Variants in BMP6 observed in about 807,000 individuals in gnomAD.
BMP6 encodes the protein VG-1-R.
Under a neutral mutation model 54.1 loss-of-function variants are expected in BMP6, and 17 were observed. That is an observed-to-expected ratio of 0.31 (90% CI 0.22 to 0.47). The LOEUF (loss-of-function observed/expected upper bound fraction) is 0.47. BMP6 is among the 20% of genes least tolerant of loss of function. The pLI, the probability that BMP6 is intolerant of heterozygous loss-of-function variation, is 1.00. For missense variants in BMP6, 720 were observed against 690.4 expected, an observed-to-expected ratio of 1.04 and a Z score of -0.48; for synonymous variants, 328 against 291.2, an observed-to-expected ratio of 1.13 and a Z score of -1.28.
chr6:7,861,657 C>A (rs1243786355), intron 3 of BMP6, 58 bp downstream of exon 3: 4 of 1,598,862 alleles, frequency 2.5e-6, no homozygotes, highest in Admixed American at 1.7e-5. Flanking sequence ...CACACATTTC[C>A]CTTACAGCAG....
chr6:7,765,403 T>G (rs765935934), intron 1 of BMP6, among the ~76,000 whole-genome samples: 3 of 152,220 alleles, frequency 2.0e-5, no homozygotes, highest in Non-Finnish European at 4.4e-5. Flanking sequence ...GAACAAAAGA[T>G]TCCCCTCAAA....
intron 1 of BMP6, among the ~76,000 whole-genome samples, chr6:7,833,370 T>G (rs1482514088): frequency 6.6e-6 from 1 of 151,814 alleles, no homozygotes; most frequent in African/African-American, 2.4e-5. Context: ...GCAACAAGAG[T>G]TGATGATTAA....
chr6:7,851,110 C>G (rs1243865147), intron 2 of BMP6, among the ~76,000 whole-genome samples: 1 of 152,060 alleles, frequency 6.6e-6, no homozygotes, highest in Non-Finnish European at 1.5e-5. Context: ...CTTCACATTC[C>G]CATGTAAATT....
intron 1 of BMP6, among the ~76,000 whole-genome samples, chr6:7,817,665 T>C (rs1758551697): frequency 6.6e-6 from 1 of 151,860 alleles, no homozygotes; most frequent in East Asian, 1.9e-4. Flanking sequence ...ATGGCACATG[T>C]ATACATATGT....
At chr6:7,746,771 G>A (rs1352374281) in intron 1 of BMP6, among the ~76,000 whole-genome samples, 2 of 152,178 alleles carry the variant, frequency 1.3e-5, no homozygotes, top group East Asian at 1.9e-4. Context: ...GTCATCTGCC[G>A]TCACGGTGCA....
intron 1 of BMP6, among the ~76,000 whole-genome samples, chr6:7,813,718 A>G (rs905644715): frequency 2.0e-5 from 3 of 150,610 alleles, no homozygotes; most frequent in African/African-American, 7.3e-5. Context: ...TTCTATAGAT[A>G]CTCCATAGCA....
intron 1 of BMP6, among the ~76,000 whole-genome samples, chr6:7,838,941 CAAA>C (rs778664842): frequency 1.7e-4 from 10 of 59,156 alleles, no homozygotes; most frequent in East Asian, 5.9e-4. Flanking sequence ...GACTCTGTCT[CAAA>C]AAAAAAAAAA....
intron 1 of BMP6, among the ~76,000 whole-genome samples, chr6:7,788,716 T>C (rs910232898): frequency 1.3e-5 from 2 of 152,172 alleles, no homozygotes; most frequent in Non-Finnish European, 2.9e-5. Flanking sequence ...GGAGTGACTT[T>C]GTTTTTAAAA....
intron 1 of BMP6, among the ~76,000 whole-genome samples, chr6:7,773,776 T>G (rs1757823103): frequency 6.6e-6 from 1 of 152,226 alleles, no homozygotes; most frequent in Non-Finnish European, 1.5e-5. Context: ...ACTAGATTGC[T>G]TGGGATTTCC....
At chr6:7,799,602 TACCTACAGCA>T (rs1758239563) in intron 1 of BMP6, among the ~76,000 whole-genome samples, 3 of 152,254 alleles carry the variant, frequency 2.0e-5, no homozygotes, top group African/African-American at 7.2e-5. Flanking sequence ...TACTTTGAAA[TACCTACAGCA>T]ACTGGTAATG....
intron 1 of BMP6, among the ~76,000 whole-genome samples, chr6:7,775,985 C>T (rs1299653450): frequency 6.6e-6 from 1 of 152,186 alleles, no homozygotes; most frequent in Non-Finnish European, 1.5e-5. Flanking sequence ...GTCCATACCA[C>T]CCTGAATGCA....
At chr6:7,819,559 G>C (rs1207509306) in intron 1 of BMP6, among the ~76,000 whole-genome samples, 1 of 152,164 alleles carries the variant, frequency 6.6e-6, no homozygotes, top group African/African-American at 2.4e-5. Context: ...GGAAGAAAGG[G>C]AAGGGGAAAA....
At chr6:7,811,233 C>T (rs968660633) in intron 1 of BMP6, among the ~76,000 whole-genome samples, 3 of 152,214 alleles carry the variant, frequency 2.0e-5, no homozygotes, top group Non-Finnish European at 2.9e-5. Context: ...AGCCTACATT[C>T]TCAGTGACTG....
At chr6:7,786,471 T>G (rs1186212688) in intron 1 of BMP6, among the ~76,000 whole-genome samples, 1 of 151,758 alleles carries the variant, frequency 6.6e-6, no homozygotes, top group African/African-American at 2.4e-5. Flanking sequence ...TTTTTTTTTT[T>G]TTTTTTTTTT....
At chr6:7,862,238 G>A in intron 3 of BMP6, 63 bp from the exon 4 acceptor site, 1 of 1,558,138 alleles carries the variant, frequency 6.4e-7, no homozygotes, top group Non-Finnish European at 8.8e-7. Context: ...TCCCTTAACT[G>A]TTGTAGCTAC....
At chr6:7,819,846 T>C (rs751550315) in intron 1 of BMP6, among the ~76,000 whole-genome samples, 4 of 152,222 alleles carry the variant, frequency 2.6e-5, no homozygotes, top group Non-Finnish European at 5.9e-5. Flanking sequence ...CTAGCAGCAT[T>C]ACCATAAATT....
rs140586317 is a variant in BMP6 at position 7,848,959 on chromosome 6, C to T, written c.857+3627C>T. On this transcript the variant is annotated intron_variant, in intron 2 of 6. Transcript: ENST00000283147. ...TTTTACCATGACCTTATCAGATAGA[C>T]AGGGCAGGCATGTTATCCTTGAGAG... 1.6e-4 allele frequency among the ~76,000 whole-genome samples: 25 copies of T among 152,236 alleles called. 1 individual carries two copies. In the East Asian group the frequency reaches 4.8e-3, roughly 29 times the overall value.
At chr6:7,753,529 T>G (rs975165700) in intron 1 of BMP6, among the ~76,000 whole-genome samples, 52 of 152,328 alleles carry the variant, frequency 3.4e-4, no homozygotes, top group African/African-American at 1.2e-3. Flanking sequence ...GCCCTCCTTC[T>G]GCACAGCGGT....
intron 1 of BMP6, among the ~76,000 whole-genome samples, chr6:7,768,474 T>G (rs1757726675): frequency 1.3e-5 from 2 of 152,186 alleles, no homozygotes; most frequent in African/African-American, 4.8e-5. Context: ...TCTGGGTGTT[T>G]CCAGGCCATG....
Sources: gnomAD v4.1 joint callset for allele counts (sites outside exome capture counted in the v4.1 genomes callset) on GRCh38, gnomAD v4.1.1 for gene constraint, MANE v1.5 for transcripts, NCBI Gene and HGNC (gene_info 2026-07-23, HGNC 2026-07-21) for gene names.